The following WASHC4 variants were observed in gnomAD, a reference collection of about 807,000 sequenced individuals.
WASHC4 encodes WASH complex subunit 4, also known as WASH complex subunit 7.
WASHC4 carries 86 observed loss-of-function variants against 166.6 expected under a neutral mutation model. The observed-to-expected ratio is 0.52, with a 90% confidence interval of 0.43 to 0.62. The LOEUF is 0.62. Among genes scored for constraint, WASHC4 ranks in the 20% least tolerant of loss-of-function variants. The pLI, the probability that WASHC4 is intolerant of heterozygous loss-of-function variation, is 0.00. For synonymous variants in WASHC4, 446 were observed against 451.6 expected (o/e 0.99, Z 0.16); for missense variants, 1,262 against 1,382.4 (o/e 0.91, Z 1.38).
chr12:105,160,237 C>A, intron 29 of WASHC4, 89 bp downstream of exon 29: 2 of 1,022,734 alleles, frequency 2.0e-6, no homozygotes, highest in Non-Finnish European at 3.0e-6. Flanking sequence ...GAAATGCATA[C>A]AGACTACACT....
At chr12:105,143,353 G>T in intron 20 of WASHC4, 110 bp downstream of exon 20, 1 of 685,310 alleles carries the variant, frequency 1.5e-6, no homozygotes, top group Non-Finnish European at 2.6e-6. Flanking sequence ...TTTATAAATT[G>T]CTGGGTAGAA....
chr12:105,166,746 G>T, intron 32 of WASHC4, 118 bp from the exon 33 acceptor site: 1 of 722,864 alleles, frequency 1.4e-6, no homozygotes. Flanking sequence ...AACATTTGAT[G>T]GATGCAACTG....
chr12:105,126,994 A>C, intron 12 of WASHC4, 135 bp from the exon 13 acceptor site: 1 of 728,712 alleles, frequency 1.4e-6, no homozygotes, highest in Non-Finnish European at 2.3e-6. Context: ...TTGTCTCATA[A>C]TATATTAATA....
chr12:105,147,016 C>G (rs1300133264), intron 23 of WASHC4, 26 bp from the exon 24 acceptor site: 1 of 1,324,682 alleles, frequency 7.5e-7, no homozygotes, highest in Non-Finnish European at 1.1e-6. Context: ...TGCGTTGTTA[C>G]TGAGCATAAA....
intron 25 of WASHC4, 47 bp downstream of exon 25, chr12:105,149,796 T>C (rs1288238091): frequency 2.6e-6 from 4 of 1,542,030 alleles, no homozygotes; most frequent in East Asian, 2.3e-5. Context: ...CTATTGAGTA[T>C]ATGGCAAATG....
chr12:105,144,993 C>T, intron 22 of WASHC4, 121 bp downstream of exon 22: 2 of 1,019,206 alleles, frequency 2.0e-6, no homozygotes, highest in Non-Finnish European at 2.9e-6. Flanking sequence ...AAATTATTTG[C>T]CATATAAAAT....
At chr12:105,138,246 A>C (rs1882486723) in intron 15 of WASHC4, among the ~76,000 whole-genome samples, 1 of 149,922 alleles carries the variant, frequency 6.7e-6, no homozygotes. Context: ...TCCAGTTTAC[A>C]CAGTAAAAAA....
intron 15 of WASHC4, among the ~76,000 whole-genome samples, chr12:105,139,369 C>T (rs1219472191): frequency 6.9e-6 from 1 of 144,190 alleles, no homozygotes; most frequent in African/African-American, 2.6e-5. Flanking sequence ...TATATGTTCA[C>T]CTTTTCAAGA....
At chr12:105,121,013 C>A in intron 8 of WASHC4, 88 bp from the exon 9 acceptor site, 1 of 844,444 alleles carries the variant, frequency 1.2e-6, no homozygotes, top group Non-Finnish European at 2.0e-6. Context: ...ATTCAGTAAT[C>A]AGCCCAAATG....
At chr12:105,128,169 G>A (rs955097785) in intron 13 of WASHC4, among the ~76,000 whole-genome samples, 1 of 152,144 alleles carries the variant, frequency 6.6e-6, no homozygotes, top group Admixed American at 6.5e-5. Context: ...CTATACATTG[G>A]GGGAAGGAAG....
chr12:105,140,882 C>T lies in WASHC4; in HGVS notation c.1561-17C>T. ...TACTGCCTCAGAAACAAATAGTTTT[C>T]CTGTTTTATTTTTAAGAAAAGAGTG... is the stretch of plus-strand genomic sequence containing the variant. On this transcript the variant is annotated splice_polypyrimidine_tract_variant and intron_variant, in intron 16 of 32. Transcript: ENST00000332180. 1 of 1,611,542 alleles carries T rather than the reference C, an allele frequency of 6.2e-7. No homozygotes were observed. Among genetic ancestry groups the T allele is most frequent in the South Asian group, 1.1e-5 (1 of 91,054 alleles).
At chr12:105,120,237 A>G (rs1355806933) in intron 7 of WASHC4, among the ~76,000 whole-genome samples, 2 of 152,226 alleles carry the variant, frequency 1.3e-5, no homozygotes, top group African/African-American at 2.4e-5. Flanking sequence ...TTGGGTTTCA[A>G]TGGGTAAGGT....
intron 13 of WASHC4, among the ~76,000 whole-genome samples, chr12:105,129,225 T>A (rs974754531): frequency 1.1e-4 from 16 of 152,104 alleles, no homozygotes; most frequent in Non-Finnish European, 1.2e-4. Flanking sequence ...ATTACAGGCG[T>A]GAGCCACCGC....
chr12:105,116,511 C>T (rs1250770573), intron 6 of WASHC4, among the ~76,000 whole-genome samples: 1 of 151,998 alleles, frequency 6.6e-6, no homozygotes, highest in African/African-American at 2.4e-5. Flanking sequence ...TACAAAGTAG[C>T]AGATATGTAA....
intron 13 of WASHC4, among the ~76,000 whole-genome samples, chr12:105,130,479 A>G (rs896062580): frequency 6.6e-6 from 1 of 152,246 alleles, no homozygotes; most frequent in Non-Finnish European, 1.5e-5. Context: ...ACAGAGCTCC[A>G]TGAAGATGAA....
At chr12:105,129,768 CTG>C (rs2033435206) in intron 13 of WASHC4, among the ~76,000 whole-genome samples, 1 of 152,198 alleles carries the variant, frequency 6.6e-6, no homozygotes, top group Non-Finnish European at 1.5e-5. Context: ...GATTTGATCT[CTG>C]TGGCTCCAGT....
intron 26 of WASHC4, among the ~76,000 whole-genome samples, chr12:105,153,122 G>C (rs997456635): frequency 6.6e-6 from 1 of 152,150 alleles, no homozygotes; most frequent in Admixed American, 6.5e-5. Flanking sequence ...TTAAACCAGG[G>C]TTATTTAGCT....
chr12:105,153,028 A>G (rs1487173635), intron 26 of WASHC4, among the ~76,000 whole-genome samples: 6 of 152,220 alleles, frequency 3.9e-5, no homozygotes, highest in African/African-American at 9.6e-5. Flanking sequence ...TATGTTCACA[A>G]TAACCCTGTG....
chr12:105,127,077 G>T (rs1016323497), intron 12 of WASHC4, 52 bp from the exon 13 acceptor site: 26 of 1,502,806 alleles, frequency 1.7e-5, no homozygotes, highest in Non-Finnish European at 2.3e-5. Flanking sequence ...TAAACAGCTT[G>T]TTGTTTAGCC....
Sources: allele counts gnomAD v4.1 joint callset (sites outside exome capture counted in the v4.1 genomes callset), GRCh38; gene constraint gnomAD v4.1.1; transcripts MANE v1.5; gene names NCBI Gene and HGNC (gene_info 2026-07-23, HGNC 2026-07-21).